The following CRPPA variants were observed in gnomAD, a reference collection of about 807,000 sequenced individuals.
The protein encoded by CRPPA is D-ribitol-5-phosphate cytidylyltransferase.
CRPPA carries 43 observed loss-of-function variants against 52.0 expected under a neutral mutation model. The observed-to-expected ratio is 0.83, with a 90% confidence interval of 0.65 to 1.07. The LOEUF (loss-of-function observed/expected upper bound fraction) is 1.07. Ranked by LOEUF, CRPPA falls within the 50% of genes least tolerant of loss-of-function variation. CRPPA has a pLI of 0.00. For missense variants in CRPPA, 629 were observed against 551.7 expected, an observed-to-expected ratio of 1.14 and a Z score of -1.40; for synonymous variants, 250 against 203.5, an observed-to-expected ratio of 1.23 and a Z score of -1.94.
At chr7:16,268,188 A>G (rs1784002442) in intron 6 of CRPPA, among the ~76,000 whole-genome samples, 1 of 152,080 alleles carries the variant, frequency 6.6e-6, no homozygotes, top group Non-Finnish European at 1.5e-5. Flanking sequence ...GATAAGAAAT[A>G]TTATCTAGAC....
intron 4 of CRPPA, 84 bp downstream of exon 4, chr7:16,308,439 A>G (rs1355927895): frequency 1.3e-6 from 1 of 741,594 alleles, no homozygotes; most frequent in African/African-American, 1.7e-5. Flanking sequence ...ACTCCTACTC[A>G]ATGCACTACT....
At chr7:16,316,961 C>T (rs1243324840) in intron 3 of CRPPA, among the ~76,000 whole-genome samples, 1 of 152,128 alleles carries the variant, frequency 6.6e-6, no homozygotes, top group Admixed American at 6.5e-5. Flanking sequence ...TGGCTACCAT[C>T]GTGATAAACA....
chr7:16,255,164 C>G (rs367555970), intron 8 of CRPPA, among the ~76,000 whole-genome samples: 2 of 152,148 alleles, frequency 1.3e-5, no homozygotes, highest in East Asian at 3.9e-4. Flanking sequence ...AATAGAGAGC[C>G]AAATCATGAG....
chr7:16,146,086 T>C lies in CRPPA; in HGVS notation c.1252-54287A>G, dbSNP rs182202731. Reference sequence around the variant, plus strand: ...AAAGCAGCAAGAGAAAAGTGAGTAGTTAAATACAAACATCCATATGACTAT... The same window carrying C: ...AAAGCAGCAAGAGAAAAGTGAGTAGCTAAATACAAACATCCATATGACTAT... On this transcript the variant is annotated intron_variant, in intron 9 of 9. Transcript: ENST00000407010. Among the ~76,000 whole-genome samples, 127 of 152,130 alleles carry C rather than the reference T, an allele frequency of 8.3e-4. 1 individual carries two copies. The highest frequency in any genetic ancestry group is 2.5e-4 in the Non-Finnish European group (17 of 68,004).
At chr7:16,188,314 A>C (rs13240803) in intron 9 of CRPPA, among the ~76,000 whole-genome samples, 91,570 of 151,872 alleles carry the variant, frequency 0.6, 28,965 homozygotes, top group Non-Finnish European at 0.69. Context: ...ACGAGAACAA[A>C]TGTATGGTGT....
intron 8 of CRPPA, among the ~76,000 whole-genome samples, chr7:16,238,695 G>C (rs1215845077): frequency 6.6e-6 from 1 of 152,112 alleles, no homozygotes; most frequent in African/African-American, 2.4e-5. Context: ...GCTTGAAATA[G>C]GAATACCATA....
At chr7:16,163,415 A>C (rs1481105407) in intron 9 of CRPPA, among the ~76,000 whole-genome samples, 2 of 151,936 alleles carry the variant, frequency 1.3e-5, no homozygotes, top group African/African-American at 2.4e-5. Context: ...GTGTCTTTGC[A>C]CATGAGATGG....
chr7:16,098,955 A>C (rs532819941), intron 9 of CRPPA, among the ~76,000 whole-genome samples: 1 of 152,354 alleles, frequency 6.6e-6, no homozygotes, highest in Admixed American at 6.5e-5. Flanking sequence ...GATAATACTA[A>C]TGAAAATGCA....
chr7:16,269,798 T>C (rs1784049176), intron 6 of CRPPA: 1 of 152,182 alleles, frequency 6.6e-6, no homozygotes, highest in African/African-American at 2.4e-5. Context: ...AAAATTATAC[T>C]ACACACAAAT....
At chr7:16,282,324 T>C (rs866069730) in intron 5 of CRPPA, among the ~76,000 whole-genome samples, 2 of 152,150 alleles carry the variant, frequency 1.3e-5, no homozygotes, top group Non-Finnish European at 2.9e-5. Context: ...CTAATTTCTA[T>C]TGTGGTTTCT....
intron 9 of CRPPA, among the ~76,000 whole-genome samples, chr7:16,187,672 A>G (rs1232908188): frequency 6.6e-6 from 1 of 152,226 alleles, no homozygotes; most frequent in Non-Finnish European, 1.5e-5. Flanking sequence ...CGAAGGCTTC[A>G]TGTGAAGAAA....
rs371453760 is a variant in CRPPA at position 16,346,326 on chromosome 7, A to C, written c.684+29766T>G. Among the ~76,000 whole-genome samples, 19 of 152,312 alleles carry C rather than the reference A, an allele frequency of 1.2e-4. 1 individual carries two copies. In the East Asian group the frequency reaches 3.7e-3, roughly 29 times the overall value. ...GAATATTAGAAAAGAAATAAGAGGAATAACAACAAAGGCTCCATAAGAAGT... is the reference window on the plus strand; with the variant it reads ...GAATATTAGAAAAGAAATAAGAGGACTAACAACAAAGGCTCCATAAGAAGT... On this transcript the variant is annotated intron_variant, in intron 3 of 9. Coordinates refer to ENST00000407010, the MANE Select transcript of CRPPA (RefSeq NM_001101426.4).
intron 9 of CRPPA, among the ~76,000 whole-genome samples, chr7:16,139,274 T>C (rs900921913): frequency 2.0e-5 from 3 of 152,172 alleles, no homozygotes; most frequent in Admixed American, 1.3e-4. Flanking sequence ...AGCTTCTTAA[T>C]TTTCTTTTTT....
At chr7:16,335,538 A>G (rs1785660329) in intron 3 of CRPPA, among the ~76,000 whole-genome samples, 1 of 152,240 alleles carries the variant, frequency 6.6e-6, no homozygotes, top group South Asian at 2.1e-4. Flanking sequence ...GACATGATCA[A>G]ACAAAAGAAC....
At chr7:16,181,971 G>A (rs563741499) in intron 9 of CRPPA, among the ~76,000 whole-genome samples, 272 of 151,774 alleles carry the variant, frequency 1.8e-3, no homozygotes, top group African/African-American at 6.3e-3. Context: ...TCTGTAATGA[G>A]CAACAGAACC....
chr7:16,332,785 A>T (rs1785584528), intron 3 of CRPPA, among the ~76,000 whole-genome samples: 1 of 152,176 alleles, frequency 6.6e-6, no homozygotes, highest in Admixed American at 6.5e-5. Flanking sequence ...GTCAATATTA[A>T]CCCAATTATA....
chr7:16,345,778 C>T (rs888083898), intron 3 of CRPPA, among the ~76,000 whole-genome samples: 1 of 152,006 alleles, frequency 6.6e-6, no homozygotes, highest in African/African-American at 2.4e-5. Flanking sequence ...TGAAGAGGTA[C>T]AATTATCTTT....
intron 3 of CRPPA, among the ~76,000 whole-genome samples, chr7:16,347,226 A>G (rs1017173554): frequency 4.6e-5 from 7 of 152,122 alleles, no homozygotes. Flanking sequence ...ACAAGCAGGA[A>G]AACCAAAAAG....
intron 2 of CRPPA, among the ~76,000 whole-genome samples, chr7:16,397,732 G>C (rs995732068): frequency 2.0e-5 from 3 of 152,030 alleles, no homozygotes; most frequent in African/African-American, 7.3e-5. Flanking sequence ...TTTGAGACAT[G>C]TGACTGACGC....
Sources: allele counts gnomAD v4.1 joint callset (sites outside exome capture counted in the v4.1 genomes callset), GRCh38; gene constraint gnomAD v4.1.1; transcripts MANE v1.5; gene names NCBI Gene and HGNC (gene_info 2026-07-23, HGNC 2026-07-21).